Variants in MAD1L1 observed in about 807,000 individuals in gnomAD.
MAD1L1 encodes mitotic spindle assembly checkpoint protein MAD1.
A neutral mutation model predicts 96.9 loss-of-function variants in MAD1L1; 95 were observed. The observed-to-expected ratio is 0.98, with a 90% CI of 0.83 to 1.16. The LOEUF (loss-of-function observed/expected upper bound fraction) is 1.16. Ranked by LOEUF, MAD1L1 falls within the 50% of genes most tolerant of loss-of-function variation. The probability of loss-of-function intolerance (pLI) is 0.00; values close to 1 mark genes in which losing one functional copy is unlikely to be tolerated. For synonymous variants in MAD1L1, 473 were observed against 396.6 expected (o/e 1.19, Z -2.29); for missense variants, 1,007 against 954.4 (o/e 1.06, Z -0.73).
At position 2,114,736 on chromosome 7, in the gene MAD1L1, G is replaced by A. The variant is rs1029821649; in HGVS notation, c.1073+34416C>T. Among the ~76,000 whole-genome samples the A allele has an allele frequency of 1.3e-5, 2 of 152,138 alleles. No individual in the cohort carries two copies. The highest frequency in any genetic ancestry group is 4.8e-5 in the African/African-American group (2 of 41,420). On this transcript the variant is annotated intron_variant, in intron 11 of 18. Coordinates refer to ENST00000265854, the MANE Select transcript of MAD1L1 (RefSeq NM_001013836.2). This position sits in a 1 kb window ranked among gnomAD's most constrained non-coding sequence, Gnocchi z 4.2. ...GAATCAAATACGAATCGCCGCTGCC[G>A]CTCTCACAGCACGATGGCAGAGTTC...
chr7:1,854,777 T>A (rs368058388), intron 18 of MAD1L1, among the ~76,000 whole-genome samples: 2 of 152,176 alleles, frequency 1.3e-5, no homozygotes, highest in African/African-American at 4.8e-5. Flanking sequence ...AAGTCTCCTC[T>A]CAACCTCACT....
At chr7:1,948,861 C>T (rs960831131) in intron 16 of MAD1L1, among the ~76,000 whole-genome samples, 1 of 152,152 alleles carries the variant, frequency 6.6e-6, no homozygotes, top group African/African-American at 2.4e-5. Context: ...CCTGATGGCA[C>T]CCAGCAAGGC....
chr7:2,102,142 C>T (rs1786811307), intron 11 of MAD1L1, among the ~76,000 whole-genome samples: 1 of 152,066 alleles, frequency 6.6e-6, no homozygotes, highest in African/African-American at 2.4e-5. Context: ...CCAAGTCCTG[C>T]CACTGCACCC....
intron 18 of MAD1L1, chr7:1,817,217 C>T (rs1222278344): frequency 6.6e-6 from 1 of 152,150 alleles, no homozygotes; most frequent in Non-Finnish European, 1.5e-5. Flanking sequence ...GGGAATCAGA[C>T]CCTCCGCGTC....
intron 13 of MAD1L1, among the ~76,000 whole-genome samples, chr7:2,006,303 GC>G (rs1442583540): frequency 6.6e-6 from 1 of 152,172 alleles, no homozygotes; most frequent in Non-Finnish European, 1.5e-5. Flanking sequence ...TTACATGGGA[GC>G]GGGTGTGGAC....
chr7:2,207,551 C>T (rs1385612127), intron 10 of MAD1L1, among the ~76,000 whole-genome samples: 1 of 152,244 alleles, frequency 6.6e-6, no homozygotes, highest in Non-Finnish European at 1.5e-5. Flanking sequence ...GAGCTGCACA[C>T]ACAGAGGCTC....
In MAD1L1 at chr7:1,818,178, G is replaced by T. The variant is rs184360493; in HGVS notation, c.1999-1950C>A. On this transcript the variant is annotated intron_variant, in intron 18 of 18. Coordinates refer to ENST00000265854, the MANE Select transcript of MAD1L1 (RefSeq NM_001013836.2). ...AGGGGCTGATTCTCCTGCAGCTGCCGGGCAGGGGTGGGGAGGCAGTGTGGG... is the reference window on the plus strand; with the variant it reads ...AGGGGCTGATTCTCCTGCAGCTGCCTGGCAGGGGTGGGGAGGCAGTGTGGG... Among the ~76,000 whole-genome samples the T allele has an allele frequency of 3.8e-3, 576 of 152,178 alleles. 6 individuals are homozygous for T. The highest frequency in any genetic ancestry group is 0.013 in the African/African-American group (545 of 41,544).
intron 12 of MAD1L1, among the ~76,000 whole-genome samples, chr7:2,067,468 G>A (rs975432322): frequency 9.9e-5 from 15 of 151,872 alleles, no homozygotes; most frequent in African/African-American, 3.1e-4. Flanking sequence ...ACGTCATCAC[G>A]CACCCAAAGA....
chr7:2,171,235 T>C (rs996463709), intron 10 of MAD1L1, among the ~76,000 whole-genome samples: 1 of 152,208 alleles, frequency 6.6e-6, no homozygotes, highest in African/African-American at 2.4e-5. Context: ...CTCCCCAATT[T>C]AAAGATGAAA....
At position 1,942,032 on chromosome 7, in the gene MAD1L1, G is replaced by A. The variant is rs114562319; in HGVS notation, c.1597-5135C>T. ...CCACCCACCCGCTCACGTCCCCACC[G>A]TGATTCTGGGCCAGGCTCTTGACCT... is the stretch of plus-strand genomic sequence containing the variant. On this transcript the variant is annotated intron_variant, in intron 16 of 18. Coordinates refer to ENST00000265854, the MANE Select transcript of MAD1L1 (RefSeq NM_001013836.2). Among the ~76,000 whole-genome samples, 1,330 of 152,306 alleles carry A rather than the reference G, an allele frequency of 8.7e-3. 16 individuals carry two copies. Among genetic ancestry groups the A allele is most frequent in the African/African-American group, 0.031 (1,273 of 41,556 alleles).
At chr7:1,841,483 G>A (rs1013461090) in intron 18 of MAD1L1, among the ~76,000 whole-genome samples, 61 of 152,164 alleles carry the variant, frequency 4.0e-4, no homozygotes, top group Admixed American at 1.2e-3. Flanking sequence ...TCACGGAACC[G>A]GCTGCTGAGC....
intron 18 of MAD1L1, among the ~76,000 whole-genome samples, chr7:1,824,209 A>G (rs1382377906): frequency 2.0e-5 from 3 of 151,920 alleles, no homozygotes; most frequent in Non-Finnish European, 4.4e-5. Context: ...GCCGGCCCCA[A>G]CGCCTCCCCT....
intron 12 of MAD1L1, among the ~76,000 whole-genome samples, chr7:2,018,419 C>T (rs1162053908): frequency 6.6e-6 from 1 of 152,240 alleles, no homozygotes; most frequent in African/African-American, 2.4e-5. Context: ...CTGGTTCTTC[C>T]ACTATGACTA....
rs557031626 is a variant in MAD1L1, at chr7:1,987,681, G to A, written c.1417-7140C>T. On this transcript the variant is annotated intron_variant, in intron 14 of 18. Coordinates refer to ENST00000265854, the MANE Select transcript of MAD1L1 (RefSeq NM_001013836.2). ...CGCCGGGCCCGCACGGCAGGGCCAC[G>A]GCCGCCCGGCAGCCCCGGCTCCACG... 1.6e-4 allele frequency among the ~76,000 whole-genome samples: 24 copies of A among 152,298 alleles called. No homozygotes were observed. The South Asian group carries it at 4.6e-3, about 29-fold the overall frequency.
intron 13 of MAD1L1, among the ~76,000 whole-genome samples, chr7:2,007,602 A>C (rs1489616499): frequency 6.6e-6 from 1 of 152,238 alleles, no homozygotes; most frequent in Non-Finnish European, 1.5e-5. Context: ...TGAACCCGGC[A>C]AGCGGAGGCT....
intron 10 of MAD1L1, among the ~76,000 whole-genome samples, chr7:2,189,729 A>G (rs1475599739): frequency 1.3e-5 from 2 of 152,226 alleles, no homozygotes; most frequent in Admixed American, 1.3e-4. Flanking sequence ...TGATGGTTGC[A>G]CAGCAATATG....
At chr7:1,882,252 G>C (rs1785730693) in intron 18 of MAD1L1, among the ~76,000 whole-genome samples, 2 of 152,232 alleles carry the variant, frequency 1.3e-5, no homozygotes. Flanking sequence ...GCACCTGGGA[G>C]ATGTTAGCAC....
intron 12 of MAD1L1, among the ~76,000 whole-genome samples, chr7:2,048,472 C>T (rs566202108): frequency 8.5e-5 from 13 of 152,170 alleles, no homozygotes; most frequent in Non-Finnish European, 1.3e-4. Flanking sequence ...CAGCAGTGAC[C>T]GCTATACATC....
intron 12 of MAD1L1, among the ~76,000 whole-genome samples, chr7:2,020,872 A>G (rs1165127268): frequency 6.6e-6 from 1 of 152,196 alleles, no homozygotes; most frequent in Admixed American, 6.5e-5. Flanking sequence ...TAATGGTTAG[A>G]GTAGAAAGGC....
Sources: allele counts gnomAD v4.1 joint callset (sites outside exome capture counted in the v4.1 genomes callset), GRCh38; gene constraint gnomAD v4.1.1; non-coding constraint Gnocchi (gnomAD v3.1); transcripts MANE v1.5; gene names NCBI Gene and HGNC (gene_info 2026-07-23, HGNC 2026-07-21).